Variants in TUSC3 observed in about 807,000 individuals in gnomAD.
TUSC3 encodes dolichyl-diphosphooligosaccharide--protein glycosyltransferase subunit TUSC3.
In TUSC3, 45 loss-of-function variants were observed where a neutral mutation model predicts 44.8. The observed-to-expected ratio is 1.00, with a 90% CI of 0.79 to 1.29. The LOEUF (loss-of-function observed/expected upper bound fraction) is 1.29. Ranked by LOEUF, TUSC3 falls within the 50% of genes most tolerant of loss-of-function variation. The pLI is 0.00. For missense variants in TUSC3, 519 were observed against 437.9 expected (o/e 1.19, Z -1.65); for synonymous variants, 212 against 152.9 (o/e 1.39, Z -2.85).
intron 6 of TUSC3, among the ~76,000 whole-genome samples, chr8:15,690,066 G>A (rs971917264): frequency 6.6e-6 from 1 of 152,000 alleles, no homozygotes. Flanking sequence ...AATTAATTCT[G>A]TTTTAAGCTC....
chr8:15,492,250 G>C (rs17121526), intron 2 of TUSC3, among the ~76,000 whole-genome samples: 5,420 of 152,206 alleles, frequency 0.036, 347 homozygotes, highest in African/African-American at 0.12. Flanking sequence ...ATGGGAGTTA[G>C]CACGAACTCA....
chr8:15,690,874 C>T (rs1434013926), intron 6 of TUSC3, among the ~76,000 whole-genome samples: 1 of 151,732 alleles, frequency 6.6e-6, no homozygotes, highest in Non-Finnish European at 1.5e-5. Context: ...TATATTTGTA[C>T]CGGTACAATG....
intron 3 of TUSC3, 77 bp downstream of exon 3, chr8:15,650,891 A>G: frequency 6.9e-7 from 1 of 1,458,314 alleles, no homozygotes; most frequent in Non-Finnish European, 9.6e-7. Context: ...ACATAAAAAT[A>G]CAATTCATTC....
intron 1 of TUSC3, among the ~76,000 whole-genome samples, chr8:15,592,898 G>A (rs954993681): frequency 5.9e-5 from 9 of 152,046 alleles, no homozygotes; most frequent in Non-Finnish European, 1.3e-4. Flanking sequence ...AGCCAGTAGT[G>A]TTGTCATCAG....
intron 6 of TUSC3, among the ~76,000 whole-genome samples, chr8:15,692,166 T>A (rs1007838396): frequency 6.6e-6 from 1 of 152,184 alleles, no homozygotes; most frequent in African/African-American, 2.4e-5. Flanking sequence ...ATACCAGGGA[T>A]AAAGACTACT....
At chr8:15,603,787 AT>A (rs58924258) in intron 1 of TUSC3, among the ~76,000 whole-genome samples, 40,889 of 148,704 alleles carry the variant, frequency 0.27, 6,169 homozygotes, top group African/African-American at 0.42. Context: ...TGCTAATTCT[AT>A]TTTTTTTTTG....
At chr8:15,822,225 T>A in the TUSC3 span, among the ~76,000 whole-genome samples, 1 of 152,204 alleles carries the variant, frequency 6.6e-6, no homozygotes, top group Non-Finnish European at 1.5e-5. Flanking sequence ...CTTTGACATG[T>A]AATGGTTGAA....
chr8:15,789,073 C>T, the TUSC3 span, among the ~76,000 whole-genome samples: 5 of 152,284 alleles, frequency 3.3e-5, no homozygotes, highest in Middle Eastern at 3.4e-3. Flanking sequence ...AAACAGAATC[C>T]GTGTCGTCAT....
At chr8:15,468,894 TGAGTTAA>T (rs1398364142) in intron 1 of TUSC3, among the ~76,000 whole-genome samples, 1 of 151,442 alleles carries the variant, frequency 6.6e-6, no homozygotes, top group Non-Finnish European at 1.5e-5. Context: ...AGGAATAATC[TGAGTTAA>T]GAGTGCAGAC....
chr8:15,818,942 G>T, the TUSC3 span, among the ~76,000 whole-genome samples: 1 of 151,996 alleles, frequency 6.6e-6, no homozygotes, highest in African/African-American at 2.4e-5. Flanking sequence ...ATTCCTTGTG[G>T]GTCTCGTGCA....
At chr8:15,458,237 T>C (rs1013416854) in intron 1 of TUSC3, among the ~76,000 whole-genome samples, 1 of 151,980 alleles carries the variant, frequency 6.6e-6, no homozygotes, top group Non-Finnish European at 1.5e-5. Context: ...TACATATGCT[T>C]CTTTCTTTTT....
intron 5 of TUSC3, among the ~76,000 whole-genome samples, chr8:15,665,095 T>G (rs990475279): frequency 2.6e-5 from 4 of 151,760 alleles, no homozygotes; most frequent in Non-Finnish European, 5.9e-5. Context: ...TATCTCATTT[T>G]TCCTTGGAAG....
At chr8:15,426,692 A>G (rs947178645) in intron 1 of TUSC3, among the ~76,000 whole-genome samples, 3 of 152,360 alleles carry the variant, frequency 2.0e-5, no homozygotes, top group Non-Finnish European at 2.9e-5. Context: ...TGTAATGAAC[A>G]TGGGTGAAGC....
At chr8:15,613,069 ATATATATATATC>A (rs1804830949) in intron 1 of TUSC3, among the ~76,000 whole-genome samples, 3 of 147,734 alleles carry the variant, frequency 2.0e-5, no homozygotes. Context: ...TATATGATAT[ATATATATATATC>A]ATATATATGT....
intron 1 of TUSC3, among the ~76,000 whole-genome samples, chr8:15,543,396 A>T (rs1044568391): frequency 2.0e-5 from 3 of 152,198 alleles, no homozygotes; most frequent in African/African-American, 4.8e-5. Flanking sequence ...TAGTTATGAC[A>T]GTAATACCAC....
In TUSC3 at chr8:15,444,220, A is replaced by G. The variant is rs547047541; in HGVS notation, n.91+26915A>G. On this transcript the variant is annotated intron_variant and non_coding_transcript_variant, in intron 1 of 5. Coordinates refer to the TUSC3 transcript ENST00000503191. ...TGCTTCATGAAATAGACTACCTGAA[A>G]AGTAAGACGAGCCTTCATGCTGTTA... is the stretch of plus-strand genomic sequence containing the variant. Among the ~76,000 whole-genome samples, 3 of 152,306 alleles carry G rather than the reference A, an allele frequency of 2.0e-5. No homozygotes were observed. The South Asian group carries it at 6.2e-4, about 32-fold the overall frequency.
At chr8:15,576,461 C>G (rs867069476) in intron 1 of TUSC3, among the ~76,000 whole-genome samples, 6 of 115,728 alleles carry the variant, frequency 5.2e-5, no homozygotes, top group Non-Finnish European at 1.1e-4. Context: ...CCCTCCCCCC[C>G]TCCCCCCACC....
intron 6 of TUSC3, among the ~76,000 whole-genome samples, chr8:15,700,812 CCTTTTCT>C (rs1284792741): frequency 1.4e-5 from 2 of 143,452 alleles, no homozygotes; most frequent in African/African-American, 5.4e-5. Flanking sequence ...GTTTGTTGTC[CCTTTTCT>C]GGTCCTTTCA....
At chr8:15,639,452 A>G (rs1198385462) in intron 2 of TUSC3, among the ~76,000 whole-genome samples, 1 of 152,252 alleles carries the variant, frequency 6.6e-6, no homozygotes, top group African/African-American at 2.4e-5. Flanking sequence ...AGGAGTAAAG[A>G]TCATACAAAA....
Sources: gnomAD v4.1 joint callset for allele counts (sites outside exome capture counted in the v4.1 genomes callset) on GRCh38, gnomAD v4.1.1 for gene constraint, MANE v1.5 for transcripts, NCBI Gene and HGNC (gene_info 2026-07-23, HGNC 2026-07-21) for gene names.